TRPM3: variants seen among roughly 807,000 people sequenced by gnomAD.
The protein encoded by TRPM3 is transient receptor potential cation channel subfamily M member 3.
Under a neutral mutation model 181.2 loss-of-function variants are expected in TRPM3, and 77 were observed. The ratio of observed to expected loss-of-function variants is 0.42; its 90% CI spans 0.35 to 0.51. TRPM3 has a LOEUF of 0.51. Ranked by LOEUF, TRPM3 falls within the 20% of genes least tolerant of loss-of-function variation. The pLI is 0.01. For synonymous variants in TRPM3, 745 were observed against 796.4 expected (o/e 0.94, Z 1.09); for missense variants, 1,759 against 2,196.7 (o/e 0.80, Z 3.98).
chr9:70,954,940 C>G (rs2097050277), intron 1 of TRPM3, among the ~76,000 whole-genome samples: 4 of 152,090 alleles, frequency 2.6e-5, no homozygotes, highest in Admixed American at 2.6e-4. Context: ...TGAACAGTGA[C>G]AGATGCCTAT....
At chr9:71,172,675 C>A (rs1312289245) in intron 1 of TRPM3, among the ~76,000 whole-genome samples, 1 of 152,082 alleles carries the variant, frequency 6.6e-6, no homozygotes, top group Non-Finnish European at 1.5e-5. Context: ...TAATTTTTAA[C>A]TGTGAGGTCT....
chr9:71,228,493 A>C (rs369528776), intron 1 of TRPM3, among the ~76,000 whole-genome samples: 10 of 152,190 alleles, frequency 6.6e-5, no homozygotes, highest in African/African-American at 2.4e-4. Flanking sequence ...GACAAGAGAA[A>C]GAAATAAAGG....
chr9:70,966,446 G>A (rs921312110), intron 1 of TRPM3, among the ~76,000 whole-genome samples: 10 of 152,058 alleles, frequency 6.6e-5, no homozygotes, highest in African/African-American at 2.4e-4. Flanking sequence ...GCATGCTTAT[G>A]TTCATTGCAG....
At chr9:71,124,721 A>G (rs2073928330), upstream of TRPM3, among the ~76,000 whole-genome samples, 1 of 152,166 alleles carries the variant, frequency 6.6e-6, no homozygotes, top group African/African-American at 2.4e-5. Flanking sequence ...CTTCTCTTCA[A>G]AAGTCATAGC....
At chr9:70,617,965 AAAAAC>A (rs533777970) in intron 17 of TRPM3, among the ~76,000 whole-genome samples, 16 of 152,162 alleles carry the variant, frequency 1.1e-4, no homozygotes, top group Admixed American at 3.3e-4. Context: ...ACCTTGTCTC[AAAAAC>A]AAAACAAAAC....
intron 1 of TRPM3, among the ~76,000 whole-genome samples, chr9:71,037,746 T>A (rs1353635140): frequency 6.6e-6 from 1 of 152,232 alleles, no homozygotes; most frequent in Non-Finnish European, 1.5e-5. Flanking sequence ...ACAGCAGATG[T>A]AATCAGTAAT....
intron 22 of TRPM3, among the ~76,000 whole-genome samples, chr9:70,573,275 A>G (rs2052950521): frequency 6.6e-6 from 1 of 152,200 alleles, no homozygotes; most frequent in Admixed American, 6.5e-5. Context: ...CAAAATGTTG[A>G]ACAACTCATG....
At chr9:70,667,673 C>T (rs1355486311) in intron 9 of TRPM3, among the ~76,000 whole-genome samples, 3 of 152,194 alleles carry the variant, frequency 2.0e-5, no homozygotes, top group African/African-American at 7.2e-5. Context: ...TCTCTCTTCA[C>T]TCTCCCTTTT....
chr9:70,960,980 A>G (rs2097130749), intron 1 of TRPM3, among the ~76,000 whole-genome samples: 2 of 152,198 alleles, frequency 1.3e-5, no homozygotes, highest in Admixed American at 6.5e-5. Context: ...ATGCCTGTAC[A>G]GATGTCCACA....
chr9:71,340,595 C>T (rs541200082), intron 1 of TRPM3, among the ~76,000 whole-genome samples: 7 of 152,264 alleles, frequency 4.6e-5, no homozygotes, highest in Admixed American at 2.6e-4. Context: ...ATTGTGAGGA[C>T]TCCCCAGCCA....
intron 1 of TRPM3, among the ~76,000 whole-genome samples, chr9:70,994,608 C>A (rs895425078): frequency 6.6e-6 from 1 of 151,946 alleles, no homozygotes; most frequent in Non-Finnish European, 1.5e-5. Flanking sequence ...ATACGTATGC[C>A]CAGAGAAATT....
In TRPM3 at chr9:70,667,720, AT is replaced by A. The variant is rs542413166; in HGVS notation, c.1345+13785del. Among the ~76,000 whole-genome samples the A allele has an allele frequency of 1.3e-4, 20 of 152,154 alleles. No individual in the cohort carries two copies. In the South Asian group the frequency reaches 4.0e-3, roughly 30 times the overall value. On this transcript the variant is annotated intron_variant, in intron 9 of 25. Coordinates refer to ENST00000677713, the MANE Select transcript of TRPM3 (RefSeq NM_001366145.2). ...GCCCCAATTCCTGGGCCTTTTGAGCATTTTAAAATGTAAGTCAGTTTGATAT... is the reference window on the plus strand; with the variant it reads ...GCCCCAATTCCTGGGCCTTTTGAGCATTTAAAATGTAAGTCAGTTTGATAT...
intron 17 of TRPM3, 126 bp downstream of exon 17, chr9:70,618,741 A>G: frequency 1.3e-6 from 1 of 793,794 alleles, no homozygotes; most frequent in South Asian, 1.5e-5. Context: ...TCTGAGGCAC[A>G]GTCAGGATTT....
chr9:71,135,865 C>T (rs941548403), intron 1 of TRPM3, among the ~76,000 whole-genome samples: 1 of 152,162 alleles, frequency 6.6e-6, no homozygotes, highest in Non-Finnish European at 1.5e-5. Flanking sequence ...GTTACTAATA[C>T]AAAATACAAA....
Position 70,608,729 on chromosome 9 carries a change from A to G in TRPM3, c.2667+1880T>C, listed in dbSNP as rs540052214. Among the ~76,000 whole-genome samples the G allele has an allele frequency of 2.0e-5, 3 of 152,198 alleles. No individual in the cohort carries two copies. In the East Asian group the frequency reaches 5.8e-4, roughly 29 times the overall value. On this transcript the variant is annotated intron_variant, in intron 19 of 25. Transcript: ENST00000677713. ...GTGGTGAACACCTGTAATCCCAGCT[A>G]CTCGGGAGGCTGAGACATGAGACTC...
At position 71,196,324 on chromosome 9, in the gene TRPM3, A is replaced by G. The variant is rs146358854; in HGVS notation, c.183+250329T>C. 2.2e-4 allele frequency among the ~76,000 whole-genome samples: 34 copies of G among 151,932 alleles called. No individual in the cohort carries two copies. The East Asian group carries it at 5.6e-3, about 25-fold the overall frequency. On this transcript the variant is annotated intron_variant, in intron 1 of 24. Coordinates refer to the TRPM3 transcript ENST00000357533. ...AAGTTATGGCCAAAAAAAGTCACAC[A>G]CATGCGATCACCAAATCCATTTTTC...
chr9:70,797,887 C>G (rs1269455456), intron 6 of TRPM3, among the ~76,000 whole-genome samples: 2 of 152,184 alleles, frequency 1.3e-5, no homozygotes, highest in Admixed American at 6.5e-5. Flanking sequence ...CCGTGGGATT[C>G]TGCCCAATTT....
chr9:70,931,573 A>G (rs2096775514), intron 1 of TRPM3, among the ~76,000 whole-genome samples: 1 of 152,124 alleles, frequency 6.6e-6, no homozygotes, highest in Non-Finnish European at 1.5e-5. Flanking sequence ...AAAAGTTAGA[A>G]TTGATCACCA....
At chr9:70,754,238 G>A (rs2135146055) in intron 8 of TRPM3, among the ~76,000 whole-genome samples, 1 of 152,230 alleles carries the variant, frequency 6.6e-6, no homozygotes, top group Admixed American at 6.5e-5. Context: ...GGTCACCTGT[G>A]TCCCCTTTTC....
Sources: allele counts gnomAD v4.1 joint callset (sites outside exome capture counted in the v4.1 genomes callset), GRCh38; gene constraint gnomAD v4.1.1; transcripts MANE v1.5; gene names NCBI Gene and HGNC (gene_info 2026-07-23, HGNC 2026-07-21).